Variants in SORCS3 observed in about 807,000 individuals in gnomAD.
SORCS3 encodes the protein sortilin related VPS10 domain containing receptor 3.
In SORCS3, 57 loss-of-function variants were observed where a neutral mutation model predicts 146.3. That is an observed-to-expected ratio of 0.39 (90% confidence interval 0.31 to 0.49). The LOEUF (loss-of-function observed/expected upper bound fraction) is 0.49, where lower values mean the gene tolerates loss of function less well. SORCS3 is among the 20% of genes least tolerant of loss of function. SORCS3 has a pLI of 0.92. For synonymous variants in SORCS3, 653 were observed against 618.5 expected (o/e 1.06, Z -0.83); for missense variants, 1,341 against 1,575.5 (o/e 0.85, Z 2.52).
intron 3 of SORCS3, among the ~76,000 whole-genome samples, chr10:104,963,486 C>T (rs1280353415): frequency 1.3e-5 from 2 of 152,164 alleles, no homozygotes; most frequent in African/African-American, 2.4e-5. Context: ...CCTTCTCCCT[C>T]TCAGGCTCCT....
intron 1 of SORCS3, among the ~76,000 whole-genome samples, chr10:104,774,323 T>C (rs2017284118): frequency 6.6e-6 from 1 of 152,122 alleles, no homozygotes; most frequent in Non-Finnish European, 1.5e-5. Context: ...GATTCATGAC[T>C]CAACTTTGCA....
intron 1 of SORCS3, among the ~76,000 whole-genome samples, chr10:104,812,367 T>G (rs182847965): frequency 4.9e-4 from 74 of 152,342 alleles, no homozygotes; most frequent in African/African-American, 1.7e-3. Flanking sequence ...TTTCCAAGAT[T>G]TTGTTTCCTT....
chr10:104,923,056 C>A (rs2019102832), intron 3 of SORCS3, among the ~76,000 whole-genome samples: 1 of 152,162 alleles, frequency 6.6e-6, no homozygotes, highest in Non-Finnish European at 1.5e-5. Flanking sequence ...TCTGGTTTTG[C>A]CCCTGAGCAA....
chr10:104,904,390 G>A (rs916516134), intron 2 of SORCS3, among the ~76,000 whole-genome samples: 2 of 152,136 alleles, frequency 1.3e-5, no homozygotes, highest in African/African-American at 4.8e-5. Context: ...GAGCTTTAAT[G>A]ATAATTTTTA....
At chr10:104,798,058 A>G (rs2017578257) in intron 1 of SORCS3, among the ~76,000 whole-genome samples, 1 of 152,130 alleles carries the variant, frequency 6.6e-6, no homozygotes, top group Non-Finnish European at 1.5e-5. Flanking sequence ...GTGATTTTCA[A>G]AATATTTAAT....
At chr10:105,163,883 T>TACACACACACACACACACAC (rs67886313) in intron 11 of SORCS3, among the ~76,000 whole-genome samples, 6 of 138,598 alleles carry the variant, frequency 4.3e-5, no homozygotes, top group African/African-American at 1.0e-4. Context: ...GTTACGCACA[T>TACACACACACACACACACAC]ACACACACAC....
At chr10:105,112,859 C>T (rs2055867422) in intron 7 of SORCS3, among the ~76,000 whole-genome samples, 2 of 152,116 alleles carry the variant, frequency 1.3e-5, no homozygotes, top group African/African-American at 4.8e-5. Context: ...TTTTTCATGA[C>T]TATAGAGATT....
intron 1 of SORCS3, among the ~76,000 whole-genome samples, chr10:104,805,494 G>A (rs2017670384): frequency 6.6e-6 from 1 of 152,178 alleles, no homozygotes; most frequent in Non-Finnish European, 1.5e-5. Flanking sequence ...AAGGTGGGTT[G>A]GAGTCAATTT....
At chr10:104,920,080 T>C (rs142669610) in intron 3 of SORCS3, among the ~76,000 whole-genome samples, 40 of 152,348 alleles carry the variant, frequency 2.6e-4, no homozygotes, top group African/African-American at 9.1e-4. Flanking sequence ...TTAGGCAAGA[T>C]GGTTTAGATT....
At position 104,741,014 on chromosome 10, in the gene SORCS3, T is replaced by C. The variant is rs186482138; in HGVS notation, c.627+99060T>C. ...TCTCCCTCTGTCACCCAGGCTAGAA[T>C]GCAATGGTCCTATCATAGCTCATTG... On this transcript the variant is annotated intron_variant, in intron 1 of 26. Transcript: ENST00000369701. 3.3e-5 allele frequency among the ~76,000 whole-genome samples: 5 copies of C among 152,142 alleles called. No homozygotes were observed. The East Asian group carries it at 7.7e-4, about 24-fold the overall frequency.
chr10:105,160,017 G>T (rs992030567), intron 11 of SORCS3, among the ~76,000 whole-genome samples: 3 of 152,156 alleles, frequency 2.0e-5, no homozygotes, highest in African/African-American at 7.2e-5. Context: ...AGAGATGAAG[G>T]CAGGCTCAGT....
intron 1 of SORCS3, among the ~76,000 whole-genome samples, chr10:104,782,696 C>T (rs1267380562): frequency 2.0e-5 from 3 of 152,186 alleles, no homozygotes; most frequent in Non-Finnish European, 4.4e-5. Context: ...CAGGCATGAG[C>T]TCATTCTTCT....
intron 4 of SORCS3, among the ~76,000 whole-genome samples, chr10:105,032,815 G>T (rs115638435): frequency 3.9e-4 from 59 of 152,250 alleles, no homozygotes; most frequent in African/African-American, 1.4e-3. Context: ...GAGGAGGCCA[G>T]GAAAGCAGGC....
intron 1 of SORCS3, among the ~76,000 whole-genome samples, chr10:104,794,216 C>A (rs1391496406): frequency 4.6e-5 from 7 of 152,146 alleles, no homozygotes; most frequent in Admixed American, 3.3e-4. Flanking sequence ...AGACTCTATA[C>A]CCGTATTTTT....
intron 1 of SORCS3, among the ~76,000 whole-genome samples, chr10:104,827,900 A>T (rs2017956276): frequency 6.6e-6 from 1 of 152,122 alleles, no homozygotes; most frequent in Admixed American, 6.5e-5. Context: ...CTTTTCTTAA[A>T]CTTCATGAAC....
At chr10:105,150,266 G>A (rs2056159203) in intron 9 of SORCS3, among the ~76,000 whole-genome samples, 1 of 152,094 alleles carries the variant, frequency 6.6e-6, no homozygotes, top group Non-Finnish European at 1.5e-5. Flanking sequence ...TTATGCACAA[G>A]GAAGTGGGAT....
chr10:104,689,200 C>T (rs1381437575), intron 1 of SORCS3, among the ~76,000 whole-genome samples: 2 of 152,228 alleles, frequency 1.3e-5, no homozygotes, highest in Admixed American at 6.5e-5. Context: ...AAGCTCTGTG[C>T]CCTTCACACC....
At chr10:104,676,068 T>C (rs2015909803) in intron 1 of SORCS3, among the ~76,000 whole-genome samples, 1 of 152,248 alleles carries the variant, frequency 6.6e-6, no homozygotes, top group African/African-American at 2.4e-5. Context: ...TTGTGATACC[T>C]TAAGTGGGAA....
intron 5 of SORCS3, among the ~76,000 whole-genome samples, chr10:105,061,029 G>A (rs2055482756): frequency 6.6e-6 from 1 of 152,058 alleles, no homozygotes; most frequent in East Asian, 1.9e-4. Context: ...AATGTTTCCT[G>A]TAATGTGTAA....
Sources: allele counts gnomAD v4.1 joint callset (sites outside exome capture counted in the v4.1 genomes callset), GRCh38; gene constraint gnomAD v4.1.1; transcripts MANE v1.5; gene names NCBI Gene and HGNC (gene_info 2026-07-23, HGNC 2026-07-21).